LINGO2: variants seen among roughly 807,000 people sequenced by gnomAD.
The protein encoded by LINGO2 is leucine rich repeat and Ig domain containing 2.
Under a neutral mutation model 30.6 loss-of-function variants are expected in LINGO2, and 14 were observed. The observed-to-expected ratio is 0.46, with a 90% CI of 0.30 to 0.72. LINGO2 has a LOEUF of 0.72. LINGO2 is among the 30% of genes least tolerant of loss of function. The pLI, the probability that LINGO2 is intolerant of heterozygous loss-of-function variation, is 0.07. For synonymous variants in LINGO2, 317 were observed against 288.5 expected (o/e 1.10, Z -1.00); for missense variants, 729 against 751.7 (o/e 0.97, Z 0.35).
chr9:28,995,149 C>T, the LINGO2 span, among the ~76,000 whole-genome samples: 1 of 152,060 alleles, frequency 6.6e-6, no homozygotes, highest in East Asian at 1.9e-4. Flanking sequence ...CCAGAATCTA[C>T]AATGAACTCA....
chr9:28,716,301 G>A, the LINGO2 span, among the ~76,000 whole-genome samples: 1 of 151,818 alleles, frequency 6.6e-6, no homozygotes, highest in African/African-American at 2.4e-5. Context: ...GAAAAACAGA[G>A]GTAGGGATTT....
At chr9:28,496,334 C>T (rs1819627672) in intron 1 of LINGO2, among the ~76,000 whole-genome samples, 1 of 152,098 alleles carries the variant, frequency 6.6e-6, no homozygotes, top group African/African-American at 2.4e-5. Flanking sequence ...CTTTATGAAT[C>T]TGGGTGCTCC....
chr9:28,515,905 ACTT>A (rs1471099094), intron 1 of LINGO2, among the ~76,000 whole-genome samples: 1 of 152,136 alleles, frequency 6.6e-6, no homozygotes, highest in African/African-American at 2.4e-5. Flanking sequence ...GATGCAGCAA[ACTT>A]CTTTTGTTGT....
the LINGO2 span, among the ~76,000 whole-genome samples, chr9:29,035,984 T>C: frequency 3.2e-4 from 49 of 152,100 alleles, no homozygotes; most frequent in East Asian, 9.2e-3. Context: ...GGAAACAATT[T>C]GGGAAGCAAG....
the LINGO2 span, among the ~76,000 whole-genome samples, chr9:28,803,129 G>A: frequency 1.3e-5 from 2 of 152,012 alleles, no homozygotes; most frequent in African/African-American, 4.8e-5. Context: ...TTGTTATGGG[G>A]CTATGCAGAC....
chr9:28,098,965 T>C (rs1372901897), intron 4 of LINGO2, among the ~76,000 whole-genome samples: 1 of 152,138 alleles, frequency 6.6e-6, no homozygotes, highest in Admixed American at 6.6e-5. Context: ...CTTTGAAATG[T>C]ATTTCATGCT....
chr9:28,282,154 G>C (rs1266926013), intron 4 of LINGO2, among the ~76,000 whole-genome samples: 1 of 152,064 alleles, frequency 6.6e-6, no homozygotes, highest in African/African-American at 2.4e-5. Context: ...TGATTCATTA[G>C]AGACCAAAGT....
intron 2 of LINGO2, among the ~76,000 whole-genome samples, chr9:28,438,416 G>A (rs1474404234): frequency 1.3e-5 from 2 of 152,130 alleles, no homozygotes; most frequent in African/African-American, 4.8e-5. Flanking sequence ...ATCTTCTTCA[G>A]TCCTCAAACA....
the LINGO2 span, among the ~76,000 whole-genome samples, chr9:28,738,806 CCAGTA>C: frequency 8.6e-5 from 13 of 151,768 alleles, no homozygotes; most frequent in African/African-American, 3.1e-4. Flanking sequence ...TCAATACAGT[CCAGTA>C]GAGTCCAATA....
intron 4 of LINGO2, among the ~76,000 whole-genome samples, chr9:28,018,647 A>G (rs972807919): frequency 8.5e-5 from 13 of 152,190 alleles, no homozygotes; most frequent in African/African-American, 3.1e-4. Context: ...ATGAGTTACC[A>G]TCTCACATCA....
At chr9:28,804,442 T>C in the LINGO2 span, among the ~76,000 whole-genome samples, 4 of 152,092 alleles carry the variant, frequency 2.6e-5, no homozygotes, top group Non-Finnish European at 4.4e-5. Flanking sequence ...AGTTGGGCCA[T>C]CTTCTCCCTT....
At chr9:29,119,400 G>C in the LINGO2 span, among the ~76,000 whole-genome samples, 3 of 151,896 alleles carry the variant, frequency 2.0e-5, no homozygotes, top group South Asian at 6.2e-4. Context: ...GAGCTATCTG[G>C]CTTCACAGAT....
chr9:28,947,567 G>A, the LINGO2 span, among the ~76,000 whole-genome samples: 1 of 151,926 alleles, frequency 6.6e-6, no homozygotes. Flanking sequence ...CACTTCAGGA[G>A]CAAGAAAATA....
intron 5 of LINGO2, among the ~76,000 whole-genome samples, chr9:27,967,808 T>C (rs980451118): frequency 1.7e-4 from 26 of 152,168 alleles, no homozygotes; most frequent in African/African-American, 6.3e-4. Flanking sequence ...TACAGCTGCA[T>C]CTAAAATTCC....
the LINGO2 span, among the ~76,000 whole-genome samples, chr9:28,904,362 A>G: frequency 2.0e-4 from 31 of 152,190 alleles, no homozygotes; most frequent in African/African-American, 6.0e-4. Flanking sequence ...TAGCTAGAAC[A>G]ATTAGCAAGA....
chr9:28,534,556 A>G (rs1821354258), intron 1 of LINGO2, among the ~76,000 whole-genome samples: 1 of 152,138 alleles, frequency 6.6e-6, no homozygotes, highest in African/African-American at 2.4e-5. Flanking sequence ...AAAACTTGTC[A>G]TTCTTAGCTC....
chr9:28,227,147 T>C (rs1279356764), intron 4 of LINGO2, among the ~76,000 whole-genome samples: 1 of 152,120 alleles, frequency 6.6e-6, no homozygotes, highest in Non-Finnish European at 1.5e-5. Context: ...TTATATGATA[T>C]ATGCCTTCCA....
At chr9:28,260,475 G>T (rs1822527586) in intron 4 of LINGO2, among the ~76,000 whole-genome samples, 1 of 151,816 alleles carries the variant, frequency 6.6e-6, no homozygotes, top group South Asian at 2.1e-4. Flanking sequence ...TAAGAACAGT[G>T]CCTTAGTCAC....
chr9:28,101,542 C>T (rs1319118289), intron 4 of LINGO2, among the ~76,000 whole-genome samples: 5 of 152,156 alleles, frequency 3.3e-5, no homozygotes, highest in African/African-American at 4.8e-5. Flanking sequence ...TTTTCACTGA[C>T]AAAGATTAAA....
Sources: gnomAD v4.1 joint callset for allele counts (sites outside exome capture counted in the v4.1 genomes callset) on GRCh38, gnomAD v4.1.1 for gene constraint, MANE v1.5 for transcripts, NCBI Gene and HGNC (gene_info 2026-07-23, HGNC 2026-07-21) for gene names.